Variants in ADAP1 observed in about 807,000 individuals in gnomAD.
The protein encoded by ADAP1 is ArfGAP with dual PH domains 1.
ADAP1 carries 31 observed loss-of-function variants against 54.9 expected under a neutral mutation model. The observed-to-expected ratio is 0.56, with a 90% CI of 0.42 to 0.76. The LOEUF is 0.76. Ranked by LOEUF, ADAP1 falls within the 30% of genes least tolerant of loss-of-function variation. The pLI, the probability that ADAP1 is intolerant of heterozygous loss-of-function variation, is 0.00. For synonymous variants in ADAP1, 313 were observed against 202.6 expected, an observed-to-expected ratio of 1.55 and a Z score of -4.63; for missense variants, 535 against 512.4, an observed-to-expected ratio of 1.04 and a Z score of -0.42.
intron 1 of ADAP1, among the ~76,000 whole-genome samples, chr7:951,051 C>T (rs563638903): frequency 7.3e-5 from 11 of 151,644 alleles, no homozygotes; most frequent in African/African-American, 2.2e-4. Flanking sequence ...GAACTGTGCA[C>T]TCGAAACGAT....
Position 904,158 on chromosome 7 carries a change from G to A in ADAP1, c.616C>T (p.Arg206Cys), listed in dbSNP as rs370835412. Residue 206 changes from arginine to cysteine, a missense_variant, in exon 6 of 11, where the codon CGT (arginine) becomes TGT (cysteine). Transcript: ENST00000265846. ...TCCTCATGGTAGATGAAGATGTTACGGGTGCTGTTGTCCTTCAGGTAGGTG... is the reference window on the plus strand; with the variant it reads ...TCCTCATGGTAGATGAAGATGTTACAGGTGCTGTTGTCCTTCAGGTAGGTG... ...QVTYLKDNST[R>C]NIFIYHEDGK... 35 of 1,612,492 alleles carry A rather than the reference G, an allele frequency of 2.2e-5. No homozygotes were observed. The highest frequency in any genetic ancestry group is 5.5e-5 in the South Asian group (5 of 91,084).
chr7:948,738 C>A (rs1173373844), intron 1 of ADAP1, among the ~76,000 whole-genome samples: 1 of 152,138 alleles, frequency 6.6e-6, no homozygotes, highest in African/African-American at 2.4e-5. Context: ...ACTCTGTCGC[C>A]CAGGCTGGAG....
At chr7:907,294 C>T (rs541940087) in intron 4 of ADAP1, among the ~76,000 whole-genome samples, 15 of 152,174 alleles carry the variant, frequency 9.9e-5, no homozygotes, top group South Asian at 4.1e-4. Flanking sequence ...CTGTGGCAGA[C>T]GATCACAGGG....
intron 3 of ADAP1, among the ~76,000 whole-genome samples, chr7:922,561 G>A (rs1394314871): frequency 6.6e-6 from 1 of 152,144 alleles, no homozygotes; most frequent in Non-Finnish European, 1.5e-5. Flanking sequence ...AGCGGGTGCT[G>A]TTCACACAGC....
rs146090079 is a variant in ADAP1 at position 899,109 on chromosome 7, C to T, written c.1020G>A (p.Thr340=). ...PDRKFLFACE[T]ESDQREWVAA... The stretch of plus-strand genomic sequence containing the variant: ...CCACCCACTCCCTCTGGTCGGACTC[C>T]GTCTCGCAGGCAAACAGAAACTTGC... The change falls in exon 10 of 11, where the codon ACG becomes ACA. Residue 340 remains threonine (T), a synonymous_variant. Transcript: ENST00000265846. 8.8e-5 allele frequency: 142 copies of T among 1,608,656 alleles called. No individual in the cohort carries two copies. The Admixed American group carries it at 8.8e-4, about 10-fold the overall frequency.
At chr7:950,712 C>T (rs1847245914) in intron 1 of ADAP1, among the ~76,000 whole-genome samples, 1 of 151,766 alleles carries the variant, frequency 6.6e-6, no homozygotes, top group Admixed American at 6.6e-5. Flanking sequence ...CAAAAATTAG[C>T]CGGGCGTGGT....
rs760388698 is a variant in ADAP1, at chr7:905,188, G to A, written c.389-16C>T. The A allele has an allele frequency of 3.1e-6, 5 of 1,603,222 alleles. No individual in the cohort carries two copies. Among genetic ancestry groups the A allele is most frequent in the Non-Finnish European group, 3.4e-6 (4 of 1,174,140 alleles). On this transcript the variant is annotated splice_polypyrimidine_tract_variant and intron_variant, in intron 4 of 10. Transcript: ENST00000265846. ...TCACGGTACCCTGTGGGGGAAAGGG[G>A]ACACGAGTCGGTGACAGTGGATGGG...
At chr7:949,594 G>A (rs1484026490) in intron 1 of ADAP1, among the ~76,000 whole-genome samples, 3 of 152,246 alleles carry the variant, frequency 2.0e-5, no homozygotes, top group South Asian at 2.1e-4. Flanking sequence ...GTCACGGCCG[G>A]TGCAGCGGCC....
At position 935,492 on chromosome 7, in the gene ADAP1, G is replaced by T; in HGVS notation, c.96C>A (p.Ala32=). The T allele has an allele frequency of 6.4e-7, 1 of 1,563,104 alleles. No homozygotes were observed. The highest frequency in any genetic ancestry group is 8.7e-7 in the Non-Finnish European group (1 of 1,154,012). Residue 32 remains alanine, a synonymous_variant, in exon 2 of 11, where the codon GCC becomes GCA. Coordinates refer to ENST00000265846, the MANE Select transcript of ADAP1 (RefSeq NM_006869.4). The stretch of plus-strand genomic sequence containing the variant: ...AGATGAAGACGCCCAGAGTGTAGGA[G>T]GCCCAGTCGGGATCTGCAAGGGAAA... ...ADCGAPDPDW[A]SYTLGVFICL... is the part of the protein sequence containing the mutation.
Position 898,564 on chromosome 7 carries a change from G to A in ADAP1, c.*357C>T, listed in dbSNP as rs1468635181. ...CTGGCCCCAAGCAGGGCTCTGCGCTGAGGCCTGGAAGTTCCCACAGCCGTG... is the reference window on the plus strand; with the variant it reads ...CTGGCCCCAAGCAGGGCTCTGCGCTAAGGCCTGGAAGTTCCCACAGCCGTG... On this transcript the variant is annotated 3_prime_UTR_variant, in exon 11 of 11. Transcript: ENST00000265846. The A allele has an allele frequency of 5.1e-6, 2 of 389,588 alleles. No individual in the cohort carries two copies. Among genetic ancestry groups the A allele is most frequent in the Non-Finnish European group, 9.8e-6 (2 of 204,804 alleles). The allele number at this position is 389,588 out of a possible 1,614,324, so 24.1% of individuals were successfully genotyped here.
At chr7:904,072 C>G in intron 6 of ADAP1, 54 bp downstream of exon 6, 2 of 1,600,820 alleles carry the variant, frequency 1.2e-6, no homozygotes, top group Non-Finnish European at 1.7e-6. Context: ...GCCACCCGGG[C>G]CTGAGGGCCC....
At chr7:941,603 T>C (rs1431645458) in intron 1 of ADAP1, among the ~76,000 whole-genome samples, 2 of 152,138 alleles carry the variant, frequency 1.3e-5, no homozygotes, top group African/African-American at 4.8e-5. Flanking sequence ...AAATGAAACA[T>C]AGGACACTGA....
rs539010095 is a variant in ADAP1, at chr7:900,091, G to A, written c.795+11C>T. ...CCAGGCCACCCCAGGCCGCACGTGC[G>A]GCACACCCACCTTGGGCCCCGTCTT... On this transcript the variant is annotated intron_variant, in intron 8 of 10. Coordinates refer to ENST00000265846, the MANE Select transcript of ADAP1 (RefSeq NM_006869.4). 66 of 1,612,986 alleles carry A rather than the reference G, an allele frequency of 4.1e-5. No individual in the cohort carries two copies. The highest frequency in any genetic ancestry group is 1.7e-4 in the Middle Eastern group (1 of 6,060).
rs1846391366 is a variant in ADAP1 at position 926,414 on chromosome 7, C to T, written c.305+139G>A. ...GCAGACACAGGCGGCACCTCGGGGT[C>T]TGGGGGACGCAGCTGCGGCTGGCTT... On this transcript the variant is annotated intron_variant, in intron 3 of 10. Coordinates refer to ENST00000265846, the MANE Select transcript of ADAP1 (RefSeq NM_006869.4). The surrounding 1 kb of genome is among the most constrained non-coding windows in gnomAD (Gnocchi z 4.6). 6.5e-6 allele frequency: 4 copies of T among 616,564 alleles called. 1 individual carries two copies. The South Asian group carries it at 8.7e-5, about 13-fold the overall frequency. 38.2% of individuals were successfully genotyped at this position (616,564 alleles called of 1,614,324 possible).
intron 2 of ADAP1, chr7:927,381 A>C (rs1015122931): frequency 3.3e-6 from 2 of 610,688 alleles, no homozygotes; most frequent in Admixed American, 2.5e-5. Context: ...CTTGAGCAGC[A>C]GGAGGGGCCG....
At position 900,636 on chromosome 7, in the gene ADAP1, C is replaced by CGGGCAA. The variant is rs1562905896; in HGVS notation, c.649-21_649-20insTTGCCC. 1 of 1,478,460 alleles carries CGGGCAA rather than the reference C, an allele frequency of 6.8e-7. No individual in the cohort carries two copies. Among genetic ancestry groups the CGGGCAA allele is most frequent in the Admixed American group, 2.1e-5 (1 of 47,864 alleles). The allele number at this position is 1,478,460 out of a possible 1,614,324, so 91.6% of individuals were successfully genotyped here. A position where few individuals can be genotyped will look rare whatever the true frequency, so the allele number is the denominator to read the frequency against. On this transcript the variant is annotated intron_variant, in intron 6 of 10. Coordinates refer to ENST00000265846, the MANE Select transcript of ADAP1 (RefSeq NM_006869.4). The stretch of plus-strand genomic sequence containing the variant: ...AATCTCCTAGGGGCAAAGGTGGGCA[C>CGGGCAA]AGGCTTGGGCTGAGGAGGCTGCAGC...
At chr7:927,912 G>T (rs1393182534) in intron 2 of ADAP1, among the ~76,000 whole-genome samples, 4 of 151,990 alleles carry the variant, frequency 2.6e-5, no homozygotes. Flanking sequence ...TGGTTCTAAA[G>T]TTGAAAAAAT....
At position 944,336 on chromosome 7, in the gene ADAP1, C is replaced by A. The variant is rs188039546; in HGVS notation, c.83-8831G>T. On this transcript the variant is annotated intron_variant, in intron 1 of 10. Transcript: ENST00000265846. ...GTGGTGCAATCTTGGCTCACTGCAA[C>A]CTTTGCCTCTCGGGTTCAAGCAATT... Among the ~76,000 whole-genome samples the A allele has an allele frequency of 3.6e-3, 534 of 149,666 alleles. 3 individuals are homozygous for A. Among genetic ancestry groups the A allele is most frequent in the African/African-American group, 0.012 (491 of 40,474 alleles).
Position 906,752 on chromosome 7 carries a change from A to G in ADAP1, c.389-1580T>C, listed in dbSNP as rs1369172615. On this transcript the variant is annotated intron_variant, in intron 4 of 10. Coordinates refer to ENST00000265846, the MANE Select transcript of ADAP1 (RefSeq NM_006869.4). ...ACATGGGGGACAGAGTACATAGGGG[A>G]CATGGACAGGGGACATGGGGGACAG... Among the ~76,000 whole-genome samples the G allele has an allele frequency of 4.2e-3, 67 of 15,962 alleles. 3 individuals carry two copies. The highest frequency in any genetic ancestry group is 0.031 in the East Asian group (7 of 226). The allele number at this position is 15,962 out of a possible 152,430, so 10.5% of individuals were successfully genotyped here.
Sources: allele counts gnomAD v4.1 joint callset (sites outside exome capture counted in the v4.1 genomes callset), GRCh38; gene constraint gnomAD v4.1.1; non-coding constraint Gnocchi (gnomAD v3.1); transcripts MANE v1.5; gene names NCBI Gene and HGNC (gene_info 2026-07-23, HGNC 2026-07-21).